The following AUTS2 variants were observed in gnomAD, a reference collection of about 807,000 sequenced individuals.
The protein encoded by AUTS2 is activator of transcription and developmental regulator AUTS2.
AUTS2 carries 17 observed loss-of-function variants against 112.4 expected under a neutral mutation model. That is an observed-to-expected ratio of 0.15 (90% CI 0.10 to 0.23). The LOEUF (loss-of-function observed/expected upper bound fraction) is 0.23. Ranked by LOEUF, AUTS2 falls within the 10% of genes least tolerant of loss-of-function variation. The pLI is 1.00. For missense variants in AUTS2, 1,510 were observed against 1,701.6 expected, an observed-to-expected ratio of 0.89 and a Z score of 1.98; for synonymous variants, 751 against 702.7, an observed-to-expected ratio of 1.07 and a Z score of -1.09.
intron 1 of AUTS2, among the ~76,000 whole-genome samples, chr7:69,734,611 A>G (rs1309167500): frequency 6.7e-6 from 1 of 149,672 alleles, no homozygotes; most frequent in Admixed American, 6.7e-5. Context: ...ATATATATGT[A>G]TATGCCTGTA....
chr7:69,874,491 G>A (rs1299553988), intron 1 of AUTS2, among the ~76,000 whole-genome samples: 1 of 152,136 alleles, frequency 6.6e-6, no homozygotes, highest in African/African-American at 2.4e-5. Context: ...CCTACAACAG[G>A]CTGAAAGGCT....
chr7:69,972,737 C>A (rs949077875), intron 2 of AUTS2, among the ~76,000 whole-genome samples: 2 of 151,440 alleles, frequency 1.3e-5, no homozygotes, highest in African/African-American at 4.9e-5. Flanking sequence ...TTTAGCACCA[C>A]TTATGGAAAA....
chr7:70,602,681 A>C (rs1029569615), intron 5 of AUTS2, among the ~76,000 whole-genome samples: 1 of 152,220 alleles, frequency 6.6e-6, no homozygotes, highest in African/African-American at 2.4e-5. Context: ...CCCCTCTGTA[A>C]CAGGCTGGGT....
chr7:70,763,206 G>C lies in AUTS2; in HGVS notation c.1079G>C (p.Arg360Thr). The change falls in exon 7 of 19, where the codon AGG becomes ACG. Residue 360 changes from arginine (R) to threonine (T), a missense_variant. Around this residue, in one of 3 missense-constraint regions of AUTS2, gnomAD observed 535 missense variants for 594.3 expected, o/e 0.90. Coordinates refer to ENST00000342771, the MANE Select transcript of AUTS2 (RefSeq NM_015570.4). The part of the protein sequence containing the change: ...LQPAPQPQVQ[R>T]PPRPQSPTQL... ...CCTGCCCCGCAGCCTCAGGTGCAGA[G>C]GCCACCCAGGCCACAGTCCCCCACC... 1 of 1,614,036 alleles carries C rather than the reference G, an allele frequency of 6.2e-7. No individual in the cohort carries two copies. The highest frequency in any genetic ancestry group is 8.5e-7 in the Non-Finnish European group (1 of 1,179,992).
intron 4 of AUTS2, among the ~76,000 whole-genome samples, chr7:70,355,123 T>C (rs1791946577): frequency 1.3e-5 from 2 of 151,906 alleles, no homozygotes; most frequent in South Asian, 2.1e-4. Flanking sequence ...TGTGTGTGTG[T>C]GTATATATAC....
intron 1 of AUTS2, among the ~76,000 whole-genome samples, chr7:69,730,947 A>C (rs1218921302): frequency 6.6e-6 from 1 of 152,180 alleles, no homozygotes; most frequent in African/African-American, 2.4e-5. Flanking sequence ...GGGACTACTT[A>C]ATAGTAATGA....
chr7:70,448,184 C>T (rs1437573330), intron 5 of AUTS2, among the ~76,000 whole-genome samples: 1 of 152,080 alleles, frequency 6.6e-6, no homozygotes, highest in African/African-American at 2.4e-5. Flanking sequence ...CCCCTTTTTA[C>T]CTCTCTAGCC....
chr7:70,367,364 A>AGT (rs1792624491), intron 4 of AUTS2, among the ~76,000 whole-genome samples: 1 of 151,902 alleles, frequency 6.6e-6, no homozygotes, highest in Non-Finnish European at 1.5e-5. Flanking sequence ...AGACCATCCT[A>AGT]GTTAACACGG....
At chr7:69,935,096 C>T (rs561146405) in intron 2 of AUTS2, among the ~76,000 whole-genome samples, 3 of 152,264 alleles carry the variant, frequency 2.0e-5, no homozygotes, top group African/African-American at 7.2e-5. Flanking sequence ...CATATAAGCT[C>T]ACTTTCTCTG....
At chr7:69,938,556 T>C (rs1416675955) in intron 2 of AUTS2, among the ~76,000 whole-genome samples, 1 of 152,220 alleles carries the variant, frequency 6.6e-6, no homozygotes, top group Non-Finnish European at 1.5e-5. Context: ...GACCTTGCCC[T>C]GAACCCAAAA....
chr7:70,018,676 G>A (rs1800140103), intron 2 of AUTS2, among the ~76,000 whole-genome samples: 1 of 152,216 alleles, frequency 6.6e-6, no homozygotes, highest in African/African-American at 2.4e-5. Flanking sequence ...ATAAGCTAAT[G>A]TAAAAGGAGA....
rs372245781 is a variant in AUTS2 at position 69,636,332 on chromosome 7, G to C, written c.309+36370G>C. On this transcript the variant is annotated intron_variant, in intron 1 of 18. Transcript: ENST00000342771. ...TGCCGCCTCCACCTCCTGGATTCAA[G>C]CGATTCTCCTGCTGCAGCCTCCTGA... Among the ~76,000 whole-genome samples, 9 of 152,270 alleles carry C rather than the reference G, an allele frequency of 5.9e-5. No individual in the cohort carries two copies. The East Asian group carries it at 1.5e-3, about 26-fold the overall frequency.
At chr7:70,733,133 G>A (rs1435570130) in intron 6 of AUTS2, among the ~76,000 whole-genome samples, 1 of 152,174 alleles carries the variant, frequency 6.6e-6, no homozygotes, top group Non-Finnish European at 1.5e-5. Flanking sequence ...ATCTGAGACA[G>A]CACCGAAGTA....
At chr7:70,563,331 C>G (rs746828522) in intron 5 of AUTS2, among the ~76,000 whole-genome samples, 1 of 152,162 alleles carries the variant, frequency 6.6e-6, no homozygotes, top group African/African-American at 2.4e-5. Context: ...TGTGGTAGCC[C>G]TTTCCAAAGT....
At chr7:70,499,195 G>A (rs937578047) in intron 5 of AUTS2, among the ~76,000 whole-genome samples, 5 of 152,308 alleles carry the variant, frequency 3.3e-5, no homozygotes, top group Non-Finnish European at 4.4e-5. Flanking sequence ...GCATGTGTCC[G>A]CAGGACAGAC....
chr7:70,105,661 C>T (rs1804729270), intron 2 of AUTS2, among the ~76,000 whole-genome samples: 1 of 152,138 alleles, frequency 6.6e-6, no homozygotes, highest in Admixed American at 6.5e-5. Flanking sequence ...AGCACTGTAG[C>T]TGCAAGAGCC....
chr7:70,493,270 A>T (rs1798320386), intron 5 of AUTS2, among the ~76,000 whole-genome samples: 1 of 152,220 alleles, frequency 6.6e-6, no homozygotes. Context: ...TTGGGGGAAT[A>T]CATGGTTGTC....
intron 1 of AUTS2, among the ~76,000 whole-genome samples, chr7:69,865,377 A>C (rs570190693): frequency 6.6e-6 from 1 of 152,242 alleles, no homozygotes; most frequent in South Asian, 2.1e-4. Context: ...TTGAATTTTT[A>C]AAATTTGGTA....
rs1791964066 is a variant in AUTS2, at chr7:70,791,560, G to C, written c.*564G>C. 6.6e-6 allele frequency: 1 copy of C among 152,652 alleles called. No homozygotes were observed. The highest frequency in any genetic ancestry group is 1.5e-5 in the Non-Finnish European group (1 of 68,058). 9.5% of individuals were successfully genotyped at this position (152,652 alleles called of 1,614,324 possible). A position where few individuals can be genotyped will look rare whatever the true frequency, so the allele number is the denominator to read the frequency against. On this transcript the variant is annotated 3_prime_UTR_variant, in exon 19 of 19. Transcript: ENST00000342771. ...AGTGAACACAGTCGGCTAAAGCTGT[G>C]TTCCCATATATTGTTATAGACAGCT...
Sources: allele counts gnomAD v4.1 joint callset (sites outside exome capture counted in the v4.1 genomes callset), GRCh38; gene constraint gnomAD v4.1.1; regional missense constraint gnomAD v4.1.1; transcripts MANE v1.5; gene names NCBI Gene and HGNC (gene_info 2026-07-23, HGNC 2026-07-21).